The following WDR3 variants were observed in gnomAD, a reference collection of about 807,000 sequenced individuals.
The protein encoded by WDR3 is WD repeat-containing protein 3.
Under a neutral mutation model 123.7 loss-of-function variants are expected in WDR3, and 81 were observed. The ratio of observed to expected loss-of-function variants is 0.65; its 90% CI spans 0.55 to 0.79. WDR3 has a LOEUF of 0.79. Among genes scored for constraint, WDR3 ranks in the 30% least tolerant of loss-of-function variants. The probability of loss-of-function intolerance (pLI) is 0.00; values close to 1 mark genes in which losing one functional copy is unlikely to be tolerated. For synonymous variants in WDR3, 390 were observed against 388.8 expected (o/e 1.00, Z -0.04); for missense variants, 1,027 against 1,123.2 (o/e 0.91, Z 1.22).
chr1:117,930,150 T>A (rs1197033896), intron 1 of WDR3, among the ~76,000 whole-genome samples: 1 of 152,162 alleles, frequency 6.6e-6, no homozygotes, highest in Non-Finnish European at 1.5e-5. Flanking sequence ...CAGTGCATCT[T>A]GGAAACATCG....
rs895544201 is a variant in WDR3 at position 117,933,400 on chromosome 1, C to G, written c.81C>G (p.Val27=). The change falls in exon 2 of 27, where the codon GTC becomes GTG. Residue 27 remains valine (V), a synonymous_variant. Coordinates refer to ENST00000349139, the MANE Select transcript of WDR3 (RefSeq NM_006784.3). The stretch of plus-strand genomic sequence containing the variant: ...TCGGCAGCCAAAAAGGTAATATTGT[C>G]TTTGTGACACTTCGTGGTGAGAAAG... ...GVIGSQKGNI[V]FVTLRGEKGR... The G allele has an allele frequency of 1.2e-6, 2 of 1,614,112 alleles. No individual in the cohort carries two copies. The highest frequency in any genetic ancestry group is 1.1e-5 in the South Asian group (1 of 91,084).
Position 117,955,337 on chromosome 1 carries a change from T to C in WDR3, c.2432T>C (p.Ile811Thr). The change falls in exon 24 of 27, where the codon ATT becomes ACT. Residue 811 changes from isoleucine to threonine, a missense_variant. Physicochemically the swap from Ile to Thr is moderately conservative, Grantham distance 89. Transcript: ENST00000349139. ...TAGCCTTCAGCTTATGTATTAGAGA[T>C]TTTTAAAGGGATCAAGTCGAGGTGA... ...SISPSAYVLE[I>T]FKGIKSSELE... 1.9e-6 allele frequency: 3 copies of C among 1,612,500 alleles called. No individual in the cohort carries two copies. The highest frequency in any genetic ancestry group is 2.5e-6 in the Non-Finnish European group (3 of 1,179,004).
chr1:117,943,345 C>G, intron 10 of WDR3, 51 bp from the exon 11 acceptor site: 1 of 1,479,872 alleles, frequency 6.8e-7, no homozygotes, highest in Non-Finnish European at 9.3e-7. Flanking sequence ...AAAAGTAAAC[C>G]TTGTGAGCTA....
chr1:117,953,914 A>G, intron 21 of WDR3, 93 bp from the exon 22 acceptor site: 1 of 1,040,940 alleles, frequency 9.6e-7, no homozygotes, highest in Non-Finnish European at 1.4e-6. Context: ...AAGCTATTTC[A>G]TTTGGCAAAT....
At chr1:117,950,579 C>A (rs1306336321) in intron 15 of WDR3, among the ~76,000 whole-genome samples, 4 of 152,038 alleles carry the variant, frequency 2.6e-5, no homozygotes, top group Non-Finnish European at 5.9e-5. Context: ...TGAGGAGATA[C>A]AGAGATCTGA....
intron 20 of WDR3, among the ~76,000 whole-genome samples, chr1:117,953,248 C>T (rs1291676349): frequency 6.6e-6 from 1 of 152,106 alleles, no homozygotes; most frequent in Non-Finnish European, 1.5e-5. Context: ...ATTTTATTCA[C>T]TGTAGCACAA....
intron 11 of WDR3, among the ~76,000 whole-genome samples, chr1:117,945,299 T>TTTTCTG (rs1651334027): frequency 6.6e-6 from 1 of 152,124 alleles, no homozygotes; most frequent in Non-Finnish European, 1.5e-5. Flanking sequence ...CTCTTACTAC[T>TTTTCTG]CTCCTTTTCT....
At chr1:117,947,506 T>C (rs1438329673) in intron 12 of WDR3, among the ~76,000 whole-genome samples, 2 of 152,210 alleles carry the variant, frequency 1.3e-5, no homozygotes, top group Non-Finnish European at 2.9e-5. Flanking sequence ...CAAATGTCCA[T>C]CTCTGATTTG....
At chr1:117,946,869 A>C (rs2101212212) in intron 12 of WDR3, among the ~76,000 whole-genome samples, 1 of 136,812 alleles carries the variant, frequency 7.3e-6, no homozygotes, top group Middle Eastern at 4.3e-3. Flanking sequence ...TGAACCCGGG[A>C]GGTGGAGCTT....
chr1:117,941,884 T>A, intron 9 of WDR3, 37 bp downstream of exon 9: 1 of 1,566,818 alleles, frequency 6.4e-7, no homozygotes, highest in Non-Finnish European at 8.6e-7. Flanking sequence ...TAATGAAGTA[T>A]CCTGGGTAGG....
chr1:117,958,654 T>C (rs1406391243), intron 25 of WDR3, among the ~76,000 whole-genome samples: 1 of 152,210 alleles, frequency 6.6e-6, no homozygotes, highest in Non-Finnish European at 1.5e-5. Flanking sequence ...GGCAGGTTGC[T>C]GGGCTGGAAG....
intron 9 of WDR3, among the ~76,000 whole-genome samples, chr1:117,942,120 G>C (rs1651192672): frequency 6.6e-6 from 1 of 152,124 alleles, no homozygotes; most frequent in Admixed American, 6.5e-5. Flanking sequence ...CCTGAAATTA[G>C]AAAAATAACC....
At chr1:117,943,164 G>A (rs1298482234) in intron 10 of WDR3, among the ~76,000 whole-genome samples, 2 of 152,038 alleles carry the variant, frequency 1.3e-5, no homozygotes, top group African/African-American at 2.4e-5. Flanking sequence ...TGTTGGCCAG[G>A]CTGGTCTCAA....
intron 12 of WDR3, among the ~76,000 whole-genome samples, 153 bp from the exon 13 acceptor site, chr1:117,948,252 G>A (rs1246858487): frequency 6.6e-6 from 1 of 152,174 alleles, no homozygotes; most frequent in Non-Finnish European, 1.5e-5. Flanking sequence ...AATCAGGTAG[G>A]AAATACAGAA....
chr1:117,936,896 A>G lies in WDR3; in HGVS notation c.500+9A>G, dbSNP rs377319451. ...AACCTGCTAGTTACTAGGTAAAGAA[A>G]TAATGGTTTAATTTCCAGTTATTTT... On this transcript the variant is annotated intron_variant, in intron 4 of 26. Transcript: ENST00000349139. 1.3e-6 allele frequency: 2 copies of G among 1,599,908 alleles called. No individual in the cohort carries two copies. The highest frequency in any genetic ancestry group is 1.7e-6 in the Non-Finnish European group (2 of 1,170,538).
At chr1:117,948,858 G>A (rs921096993) in intron 13 of WDR3, among the ~76,000 whole-genome samples, 6 of 152,094 alleles carry the variant, frequency 3.9e-5, no homozygotes, top group Admixed American at 3.9e-4. Context: ...GACTGTATAA[G>A]CTAAGTAGTT....
Position 117,934,681 on chromosome 1 carries a change from A to T in WDR3, c.380A>T (p.Lys127Met). Residue 127 changes from lysine to methionine, a missense_variant and splice_region_variant, in exon 3 of 27, where the codon AAG becomes ATG. Coordinates refer to ENST00000349139, the MANE Select transcript of WDR3 (RefSeq NM_006784.3). ...GGAGGCAGACTGGCATCTGGGTCCA[A>T]GGTGAGCCTTTGAATCAGCCCAGGC... ...QLGGRLASGSKDTDIIVWDVI... is the reference protein window; with the variant it reads ...QLGGRLASGSMDTDIIVWDVI... 1 of 1,612,928 alleles carries T rather than the reference A, an allele frequency of 6.2e-7. No homozygotes were observed. The highest frequency in any genetic ancestry group is 2.2e-5 in the East Asian group (1 of 44,884).
At chr1:117,939,597 CA>C (rs1651070714) in intron 6 of WDR3, 25 bp downstream of exon 6, 1 of 1,605,182 alleles carries the variant, frequency 6.2e-7, no homozygotes, top group Admixed American at 1.7e-5. Flanking sequence ...AAATCATGGG[CA>C]ATATGTTTAG....
intron 7 of WDR3, 47 bp from the exon 8 acceptor site, chr1:117,941,077 C>A: frequency 1.2e-6 from 2 of 1,601,744 alleles, no homozygotes; most frequent in Non-Finnish European, 1.7e-6. Context: ...TTCAGAAGTT[C>A]AGCAGAACTT....
Sources: allele counts gnomAD v4.1 joint callset (sites outside exome capture counted in the v4.1 genomes callset), GRCh38; gene constraint gnomAD v4.1.1; transcripts MANE v1.5; gene names NCBI Gene and HGNC (gene_info 2026-07-23, HGNC 2026-07-21).